BMS1: variants seen among roughly 807,000 people sequenced by gnomAD.
The protein encoded by BMS1 is BMS1 ribosome biogenesis factor, also known as ribosome biogenesis protein BMS1 homolog.
Under a neutral mutation model 138.7 loss-of-function variants are expected in BMS1, and 53 were observed. That is an observed-to-expected ratio of 0.38 (90% CI 0.31 to 0.48). The LOEUF is 0.48. Among genes scored for constraint, BMS1 ranks in the 20% least tolerant of loss-of-function variants. The probability of loss-of-function intolerance (pLI) is 0.97; values close to 1 mark genes in which losing one functional copy is unlikely to be tolerated. For missense variants in BMS1, 1,360 were observed against 1,565.5 expected (o/e 0.87, Z 2.22); for synonymous variants, 504 against 539.9 (o/e 0.93, Z 0.92).
chr10:42,820,282 A>G lies in BMS1; in HGVS notation c.2627A>G (p.Gln876Arg). 1 of 1,613,588 alleles carries G rather than the reference A, an allele frequency of 6.2e-7. No individual in the cohort carries two copies. Among genetic ancestry groups the G allele is most frequent in the Non-Finnish European group, 8.5e-7 (1 of 1,179,866 alleles). The change falls in exon 16 of 23, where the codon CAG becomes CGG. Residue 876 changes from glutamine to arginine, a missense_variant. Transcript: ENST00000374518. Reference sequence around the variant, plus strand: ...GATCAAGATGATGAAGCCAGAGTTCAGTATGAGGGTTTTCGACCTGGGATG... The same window carrying G: ...GATCAAGATGATGAAGCCAGAGTTCGGTATGAGGGTTTTCGACCTGGGATG... ...FEDQDDEARV[Q>R]YEGFRPGMYV...
At chr10:42,801,061 A>G (rs1430948330) in intron 12 of BMS1, among the ~76,000 whole-genome samples, 2 of 152,190 alleles carry the variant, frequency 1.3e-5, no homozygotes, top group African/African-American at 2.4e-5. Flanking sequence ...TTGCTCTATG[A>G]TATGAGAGAG....
intron 13 of BMS1, among the ~76,000 whole-genome samples, chr10:42,806,657 C>T (rs143351262): frequency 5.1e-4 from 77 of 151,624 alleles, no homozygotes; most frequent in African/African-American, 1.5e-3. Flanking sequence ...ATTGCTTGAA[C>T]CCGGAAGGCA....
intron 13 of BMS1, among the ~76,000 whole-genome samples, chr10:42,815,969 C>A (rs1050209677): frequency 6.6e-6 from 1 of 152,102 alleles, no homozygotes; most frequent in Non-Finnish European, 1.5e-5. Flanking sequence ...TTGAACTATT[C>A]GTTTGGGGGA....
chr10:42,783,436 T>C (rs550892023), intron 1 of BMS1, among the ~76,000 whole-genome samples: 6 of 152,250 alleles, frequency 3.9e-5, no homozygotes, highest in Non-Finnish European at 7.3e-5. Flanking sequence ...GGATTTCCTC[T>C]GCAAGTCAGA....
intron 13 of BMS1, among the ~76,000 whole-genome samples, chr10:42,807,403 C>T (rs1842043818): frequency 6.6e-6 from 1 of 152,058 alleles, no homozygotes; most frequent in African/African-American, 2.4e-5. Context: ...GAGTAGTGCT[C>T]CATTGTATGG....
chr10:42,796,228 T>C (rs558739720), intron 9 of BMS1, among the ~76,000 whole-genome samples: 1 of 149,558 alleles, frequency 6.7e-6, no homozygotes, highest in African/African-American at 2.4e-5. Flanking sequence ...TAGATTTTTG[T>C]TTTTTAAGGG....
Position 42,793,957 on chromosome 10 carries a change from A to C in BMS1, c.1195A>C (p.Lys399Gln). 1 of 1,611,872 alleles carries C rather than the reference A, an allele frequency of 6.2e-7. No individual in the cohort carries two copies. Among genetic ancestry groups the C allele is most frequent in the Non-Finnish European group, 8.5e-7 (1 of 1,179,802 alleles). Residue 399 changes from lysine (K) to glutamine (Q), a missense_variant, in exon 9 of 23, where the codon AAG becomes CAG. This residue lies in a region of BMS1 where 697 missense variants were observed against 686.2 expected (regional missense o/e 1.02). Coordinates refer to ENST00000374518, the MANE Select transcript of BMS1 (RefSeq NM_014753.4). ...SSRVTLFSDS[K>Q]PLGSEDIDNQ... Reference sequence around the variant, plus strand: ...TCGAGTGACGCTGTTTTCTGATTCCAAGCCACTTGGGTCAGAGGATATAGA... The same window carrying C: ...TCGAGTGACGCTGTTTTCTGATTCCCAGCCACTTGGGTCAGAGGATATAGA...
chr10:42,792,593 A>G lies in BMS1; in HGVS notation c.880A>G (p.Lys294Glu). 6.2e-7 allele frequency: 1 copy of G among 1,608,322 alleles called. No individual in the cohort carries two copies. The highest frequency in any genetic ancestry group is 8.5e-7 in the Non-Finnish European group (1 of 1,179,510). The change falls in exon 7 of 23, where the codon AAA becomes GAA. Residue 294 changes from lysine (K) to glutamate (E), a missense_variant. By Grantham distance (56) the Lys-to-Glu change is moderately conservative. Coordinates refer to ENST00000374518, the MANE Select transcript of BMS1 (RefSeq NM_014753.4). ...TTTAAGAGGAGCACACTTGAAAAAT[A>G]AAAGCCAAATTCACATGCCAGGTAT... ...GYLRGAHLKN[K>E]SQIHMPGVGD...
Position 42,797,499 on chromosome 10 carries a change from C to T in BMS1, c.2065C>T (p.Leu689Phe). 1 of 1,614,178 alleles carries T rather than the reference C, an allele frequency of 6.2e-7. No individual in the cohort carries two copies. Among genetic ancestry groups the T allele is most frequent in the South Asian group, 1.1e-5 (1 of 91,084 alleles). The change falls in exon 11 of 23, where the codon CTC (leucine) becomes TTC (phenylalanine). Residue 689 changes from leucine to phenylalanine, a missense_variant. Physicochemically the swap from Leu to Phe is conservative, Grantham distance 22 (BLOSUM62 0). Coordinates refer to ENST00000374518, the MANE Select transcript of BMS1 (RefSeq NM_014753.4). ...FLRQQQAAPN[L>F]RKLIYGTVTE... is the part of the protein sequence containing the mutation. ...GAGGCAGCAGCAAGCAGCTCCAAAC[C>T]TCCGAAAGCTTATTTATGGGACAGG...
intron 21 of BMS1, among the ~76,000 whole-genome samples, chr10:42,826,253 G>A (rs796935683): frequency 6.6e-6 from 1 of 151,536 alleles, no homozygotes; most frequent in Non-Finnish European, 1.5e-5. Flanking sequence ...GTGTGTGTGT[G>A]TGTGTGTGTG....
chr10:42,809,197 G>A (rs1842097316), intron 13 of BMS1, among the ~76,000 whole-genome samples: 1 of 152,076 alleles, frequency 6.6e-6, no homozygotes, highest in Non-Finnish European at 1.5e-5. Flanking sequence ...CAGCATACCA[G>A]TTGGGAATAT....
At chr10:42,792,696 A>G in intron 7 of BMS1, 82 bp downstream of exon 7, 1 of 1,544,708 alleles carries the variant, frequency 6.5e-7, no homozygotes, top group Non-Finnish European at 8.7e-7. Context: ...CTGAAAAATG[A>G]CCAAACAAGG....
At chr10:42,824,968 GT>G (rs1842596608) in intron 21 of BMS1, among the ~76,000 whole-genome samples, 1 of 151,850 alleles carries the variant, frequency 6.6e-6, no homozygotes, top group Non-Finnish European at 1.5e-5. Context: ...GCTGTTTGGG[GT>G]TTTTTGTGGT....
At position 42,790,326 on chromosome 10, in the gene BMS1, C is replaced by G; in HGVS notation, c.451C>G (p.Leu151Val). 6.2e-7 allele frequency: 1 copy of G among 1,613,572 alleles called. No homozygotes were observed. The highest frequency in any genetic ancestry group is 8.5e-7 in the Non-Finnish European group (1 of 1,179,808). Reference sequence around the variant, plus strand: ...AAATTATGTGTTCTGCTTTTAGGTACTGATGCTTATAGATGCCAGCTTTGG... The same window carrying G: ...AAATTATGTGTTCTGCTTTTAGGTAGTGATGCTTATAGATGCCAGCTTTGG... ...IDLAKVADLV[L>V]MLIDASFGFE... The change falls in exon 5 of 23, where the codon CTG becomes GTG. Residue 151 changes from leucine to valine, a missense_variant. Coordinates refer to ENST00000374518, the MANE Select transcript of BMS1 (RefSeq NM_014753.4).
intron 15 of BMS1, among the ~76,000 whole-genome samples, chr10:42,818,348 A>G (rs905188789): frequency 1.3e-5 from 2 of 152,222 alleles, no homozygotes; most frequent in African/African-American, 4.8e-5. Flanking sequence ...GGCCATTGGA[A>G]AAGACTGAAT....
In BMS1 at chr10:42,797,040, C is replaced by T. The variant is rs1485096253; in HGVS notation, c.1796C>T (p.Ser599Leu). 1.2e-6 allele frequency: 2 copies of T among 1,614,156 alleles called. No individual in the cohort carries two copies. The highest frequency in any genetic ancestry group is 8.5e-7 in the Non-Finnish European group (1 of 1,180,014). ...ASEDESEESSSLSAEEEDSEN... is the reference protein window; with the variant it reads ...ASEDESEESSLLSAEEEDSEN... ...GAAGATGAATCTGAAGAAAGCTCCT[C>T]ACTCAGTGCAGAGGAAGAAGACTCA... Residue 599 changes from serine to leucine, a missense_variant, in exon 10 of 23, where the codon TCA becomes TTA. By Grantham distance (145) the Ser-to-Leu change is moderately radical. Around this residue, in one of 3 missense-constraint regions of BMS1, gnomAD observed 697 missense variants for 686.2 expected, o/e 1.02. Transcript: ENST00000374518.
At chr10:42,788,044 G>A (rs930017591) in intron 4 of BMS1, among the ~76,000 whole-genome samples, 45 of 123,508 alleles carry the variant, frequency 3.6e-4, no homozygotes, top group African/African-American at 1.2e-3. Context: ...ACACCTGTTT[G>A]GTGACAAAGA....
intron 7 of BMS1, 148 bp downstream of exon 7, chr10:42,792,762 A>T: frequency 3.6e-6 from 5 of 1,373,482 alleles, no homozygotes; most frequent in Non-Finnish European, 4.9e-6. Context: ...AGGCCTGCAA[A>T]GGTGTTACTG....
intron 5 of BMS1, 38 bp from the exon 6 acceptor site, chr10:42,791,589 A>T (rs1841507114): frequency 1.3e-6 from 2 of 1,557,390 alleles, no homozygotes; most frequent in African/African-American, 1.4e-5. Flanking sequence ...ATGATAATTT[A>T]ATTGAAATTT....
Sources: gnomAD v4.1 joint callset for allele counts (sites outside exome capture counted in the v4.1 genomes callset) on GRCh38, gnomAD v4.1.1 for gene constraint, gnomAD v4.1.1 regional missense constraint, MANE v1.5 for transcripts, NCBI Gene and HGNC (gene_info 2026-07-23, HGNC 2026-07-21) for gene names.